The following ASTN2 variants were observed in gnomAD, a reference collection of about 807,000 sequenced individuals.
ASTN2 encodes the protein astrotactin-2.
A neutral mutation model predicts 139.8 loss-of-function variants in ASTN2; 54 were observed. That is an observed-to-expected ratio of 0.39 (90% CI 0.31 to 0.48). The LOEUF (loss-of-function observed/expected upper bound fraction) is 0.48. Among genes scored for constraint, ASTN2 ranks in the 20% least tolerant of loss-of-function variants. The pLI, the probability that ASTN2 is intolerant of heterozygous loss-of-function variation, is 0.95. For missense variants in ASTN2, 1,565 were observed against 1,725.1 expected (o/e 0.91, Z 1.64); for synonymous variants, 756 against 719.5 (o/e 1.05, Z -0.81).
chr9:117,282,892 C>G (rs1031285406), intron 2 of ASTN2, among the ~76,000 whole-genome samples: 2 of 151,304 alleles, frequency 1.3e-5, no homozygotes, highest in Admixed American at 1.3e-4. Flanking sequence ...AATAAACAAG[C>G]AAGAGCTGAC....
chr9:116,577,452 C>T (rs1230921141), intron 19 of ASTN2, among the ~76,000 whole-genome samples: 3 of 146,338 alleles, frequency 2.1e-5, no homozygotes. Flanking sequence ...ATCACTTGAG[C>T]CCGGGGGAGG....
chr9:117,188,224 C>T (rs949917367), intron 3 of ASTN2, among the ~76,000 whole-genome samples: 1 of 150,962 alleles, frequency 6.6e-6, no homozygotes, highest in African/African-American at 2.4e-5. Context: ...AAATCACCCC[C>T]GATCCTGGTT....
rs551074463 is a variant in ASTN2 at position 116,928,830 on chromosome 9, T to C, written c.1889+46378A>G. The stretch of plus-strand genomic sequence containing the variant: ...AACAGTGGCCATTTTAAAGCATCTA[T>C]TATGTACTATGAGTTTTTTATGCAT... On this transcript the variant is annotated intron_variant, in intron 10 of 22. Transcript: ENST00000313400. Among the ~76,000 whole-genome samples the C allele has an allele frequency of 3.9e-5, 6 of 152,282 alleles. No homozygotes were observed. The South Asian group carries it at 1.0e-3, about 26-fold the overall frequency.
intron 10 of ASTN2, among the ~76,000 whole-genome samples, chr9:116,921,327 G>A (rs948654437): frequency 1.3e-5 from 2 of 152,156 alleles, no homozygotes; most frequent in African/African-American, 2.4e-5. Context: ...GGTGGCTCAC[G>A]CCTGTAATTC....
chr9:116,741,578 C>A (rs532572783), intron 13 of ASTN2, among the ~76,000 whole-genome samples: 12 of 152,266 alleles, frequency 7.9e-5, no homozygotes, highest in African/African-American at 2.4e-4. Flanking sequence ...GTTGGGAGAC[C>A]TGTGTTCTCA....
chr9:116,883,782 G>A (rs988725948), intron 10 of ASTN2, among the ~76,000 whole-genome samples: 3 of 152,162 alleles, frequency 2.0e-5, no homozygotes, highest in Non-Finnish European at 2.9e-5. Context: ...CCAGGCACAG[G>A]AGATTTCTAG....
At chr9:116,708,189 A>G (rs1441795586) in intron 16 of ASTN2, among the ~76,000 whole-genome samples, 3 of 152,124 alleles carry the variant, frequency 2.0e-5, no homozygotes, top group African/African-American at 7.2e-5. Context: ...GACTATCCCC[A>G]CTGCTTCACC....
intron 2 of ASTN2, among the ~76,000 whole-genome samples, chr9:117,282,334 A>C (rs1834345118): frequency 6.6e-6 from 1 of 152,144 alleles, no homozygotes; most frequent in Non-Finnish European, 1.5e-5. Flanking sequence ...CTTATTCTGC[A>C]TTGTGCTTTG....
At chr9:116,958,739 T>C (rs1452080532) in intron 10 of ASTN2, among the ~76,000 whole-genome samples, 1 of 151,908 alleles carries the variant, frequency 6.6e-6, no homozygotes, top group Non-Finnish European at 1.5e-5. Flanking sequence ...ATCATAATAG[T>C]CCCAGAGACA....
intron 4 of ASTN2, among the ~76,000 whole-genome samples, chr9:117,118,252 A>G (rs1336894571): frequency 6.6e-6 from 1 of 152,186 alleles, no homozygotes; most frequent in Non-Finnish European, 1.5e-5. Context: ...GTTAAGCCAG[A>G]GTTCTTTTTT....
intron 2 of ASTN2, among the ~76,000 whole-genome samples, chr9:117,250,792 G>A (rs1394672311): frequency 6.6e-6 from 1 of 152,180 alleles, no homozygotes; most frequent in African/African-American, 2.4e-5. Context: ...AACACAGACT[G>A]AGAGAAGCAT....
chr9:116,753,476 C>T (rs1038936812), intron 13 of ASTN2, among the ~76,000 whole-genome samples: 10 of 152,144 alleles, frequency 6.6e-5, no homozygotes, highest in African/African-American at 2.4e-4. Flanking sequence ...ACCCATAGAA[C>T]TATACAACAC....
intron 5 of ASTN2, among the ~76,000 whole-genome samples, chr9:117,048,778 G>A (rs1269536195): frequency 4.6e-5 from 7 of 152,078 alleles, no homozygotes; most frequent in African/African-American, 1.7e-4. Context: ...CAAATGAGAA[G>A]TGACAGTCTT....
chr9:116,424,276 C>A lies in ASTN2; in HGVS notation c.*1575G>T, dbSNP rs576358849. Among the ~76,000 whole-genome samples, 4 of 152,270 alleles carry A rather than the reference C, an allele frequency of 2.6e-5. No homozygotes were observed. Among genetic ancestry groups the A allele is most frequent in the South Asian group, 2.1e-4 (1 of 4,818 alleles). On this transcript the variant is annotated 3_prime_UTR_variant, in exon 23 of 23. Coordinates refer to ENST00000313400, the MANE Select transcript of ASTN2 (RefSeq NM_001365068.1). ...GGTATGTCACCCCCTAAGCTATCAT[C>A]ACCTCCTTCATGGAAAATGACAATG... is the stretch of plus-strand genomic sequence containing the variant.
intron 19 of ASTN2, among the ~76,000 whole-genome samples, chr9:116,517,308 G>A (rs1850692436): frequency 6.6e-6 from 1 of 152,220 alleles, no homozygotes; most frequent in South Asian, 2.1e-4. Flanking sequence ...ATCCATGGCT[G>A]CCAAGACCTG....
At chr9:116,933,653 G>T (rs10759874) in intron 10 of ASTN2, among the ~76,000 whole-genome samples, 144,819 of 150,290 alleles carry the variant, frequency 0.96, 69,712 homozygotes, top group Non-Finnish European at 1. Flanking sequence ...TTTTATTAAG[G>T]AAAAAAAAAA....
At chr9:116,451,993 T>A (rs1848191068) in intron 20 of ASTN2, among the ~76,000 whole-genome samples, 1 of 152,146 alleles carries the variant, frequency 6.6e-6, no homozygotes, top group Non-Finnish European at 1.5e-5. Flanking sequence ...CCCCGTCTTT[T>A]CCTCCTCCTT....
At chr9:116,783,125 T>C (rs901676251) in intron 13 of ASTN2, among the ~76,000 whole-genome samples, 2 of 152,164 alleles carry the variant, frequency 1.3e-5, no homozygotes, top group Non-Finnish European at 2.9e-5. Context: ...ATATCGCAAC[T>C]GTCAGGCTTT....
intron 3 of ASTN2, among the ~76,000 whole-genome samples, chr9:117,213,261 G>A (rs948074853): frequency 1.3e-5 from 2 of 152,116 alleles, no homozygotes; most frequent in East Asian, 1.9e-4. Flanking sequence ...AAGAATGCTC[G>A]AGGCTGCTAG....
Sources: gnomAD v4.1 joint callset for allele counts (sites outside exome capture counted in the v4.1 genomes callset) on GRCh38, gnomAD v4.1.1 for gene constraint, MANE v1.5 for transcripts, NCBI Gene and HGNC (gene_info 2026-07-23, HGNC 2026-07-21) for gene names.